Variants in PCDHGA11 observed in about 807,000 individuals in gnomAD.
The protein encoded by PCDHGA11 is protocadherin gamma-A11.
In PCDHGA11, 39 loss-of-function variants were observed where a neutral mutation model predicts 60.4. That is an observed-to-expected ratio of 0.65 (90% CI 0.50 to 0.84). The LOEUF (loss-of-function observed/expected upper bound fraction) is 0.84. Ranked by LOEUF, PCDHGA11 falls within the 40% of genes least tolerant of loss-of-function variation. The probability of loss-of-function intolerance (pLI) is 0.00; values close to 1 mark genes in which losing one functional copy is unlikely to be tolerated. For missense variants in PCDHGA11, 1,165 were observed against 1,197.7 expected (o/e 0.97, Z 0.40); for synonymous variants, 533 against 510.3 (o/e 1.04, Z -0.60).
intron 1 of PCDHGA11, among the ~76,000 whole-genome samples, chr5:141,482,652 G>C (rs1276348234): frequency 6.6e-6 from 1 of 152,074 alleles, no homozygotes; most frequent in African/African-American, 2.4e-5. Flanking sequence ...GGTGATGCTT[G>C]AGCTATGATC....
Position 141,487,418 on chromosome 5 carries a change from A to T in PCDHGA11, c.2434-7389A>T. ...GGAGGGGCTTCCCCCTTCCAATGGG[A>T]TCCTCCGAATCCAGCTAGGGTCAGA... On this transcript the variant is annotated intron_variant, in intron 1 of 3. Transcript: ENST00000398587. The surrounding 1 kb of genome is among the most constrained non-coding windows in gnomAD (Gnocchi z 5.0). The T allele has an allele frequency of 6.2e-7, 1 of 1,614,060 alleles. No homozygotes were observed. The highest frequency in any genetic ancestry group is 8.5e-7 in the Non-Finnish European group (1 of 1,179,998).
Position 141,422,587 on chromosome 5 carries a change from C to G in PCDHGA11, c.1360C>G (p.Pro454Ala). Residue 454 changes from proline to alanine, a missense_variant, in exon 1 of 4, where the codon CCT (proline) becomes GCT (alanine). Transcript: ENST00000398587. ...TGACAACGATAACCCTCCCGTTTTTCCTCACTCCTCTTACTCTGCCTACAT... is the reference window on the plus strand; with the variant it reads ...TGACAACGATAACCCTCCCGTTTTTGCTCACTCCTCTTACTCTGCCTACAT... ...ADDNDNPPVF[P>A]HSSYSAYIPE... 1.2e-6 allele frequency: 2 copies of G among 1,614,032 alleles called. No individual in the cohort carries two copies. Among genetic ancestry groups the G allele is most frequent in the Non-Finnish European group, 1.7e-6 (2 of 1,179,954 alleles).
intron 2 of PCDHGA11, among the ~76,000 whole-genome samples, chr5:141,502,829 C>A (rs1034808123): frequency 2.0e-5 from 3 of 150,428 alleles, no homozygotes; most frequent in African/African-American, 7.4e-5. Context: ...CTTGGGGAAG[C>A]CTGGACTGGC....
Position 141,433,407 on chromosome 5 carries a change from T to C in PCDHGA11, c.2433+9747T>C, listed in dbSNP as rs939103465. Among the ~76,000 whole-genome samples, 537 of 125,956 alleles carry C rather than the reference T, an allele frequency of 4.3e-3. 4 individuals carry two copies. Among genetic ancestry groups the C allele is most frequent in the African/African-American group, 0.016 (523 of 33,156 alleles). The allele number at this position is 125,956 out of a possible 152,430, so 82.6% of individuals were successfully genotyped here. On this transcript the variant is annotated intron_variant, in intron 1 of 3. Coordinates refer to ENST00000398587, the MANE Select transcript of PCDHGA11 (RefSeq NM_018914.3). ...TCTATCTATCTATCTATCTATCTATTACTTTCTTGTACAGACAGGAGTCTC... is the reference window on the plus strand; with the variant it reads ...TCTATCTATCTATCTATCTATCTATCACTTTCTTGTACAGACAGGAGTCTC...
At position 141,476,903 on chromosome 5, in the gene PCDHGA11, G is replaced by C; in HGVS notation, c.2434-17904G>C. On this transcript the variant is annotated intron_variant, in intron 1 of 3. Transcript: ENST00000398587. The surrounding 1 kb of genome is among the most constrained non-coding windows in gnomAD (Gnocchi z 7.6). Reference sequence around the variant, plus strand: ...GGAGGATGCACCCTCCGGCACGCGCGTGGTACAAGTCCTTGCAACGGATCT... The same window carrying C: ...GGAGGATGCACCCTCCGGCACGCGCCTGGTACAAGTCCTTGCAACGGATCT... The C allele has an allele frequency of 1.2e-6, 2 of 1,614,018 alleles. No individual in the cohort carries two copies. Among genetic ancestry groups the C allele is most frequent in the Non-Finnish European group, 1.7e-6 (2 of 1,180,044 alleles).
rs79464787 is a variant in PCDHGA11, at chr5:141,480,455, T to C, written c.2434-14352T>C. Among the ~76,000 whole-genome samples the C allele has an allele frequency of 7.4e-3, 1,134 of 152,274 alleles. 17 individuals are homozygous for C. The highest frequency in any genetic ancestry group is 0.026 in the African/African-American group (1,086 of 41,548). ...CAGCTATTACTATAATTATTTTTAT[T>C]AGTTCCTCACTCACCTAAAATCTCA... On this transcript the variant is annotated intron_variant, in intron 1 of 3. Transcript: ENST00000398587.
At chr5:141,438,834 T>A (rs915381229) in intron 1 of PCDHGA11, among the ~76,000 whole-genome samples, 5 of 150,606 alleles carry the variant, frequency 3.3e-5, no homozygotes, top group South Asian at 2.1e-4. Context: ...GCTAATTTTT[T>A]AAAATATTTT....
chr5:141,479,035 C>A (rs2099486361), intron 1 of PCDHGA11, among the ~76,000 whole-genome samples: 1 of 152,104 alleles, frequency 6.6e-6, no homozygotes, highest in Non-Finnish European at 1.5e-5. Context: ...TTATACAGAT[C>A]GTGTACCTCA....
At chr5:141,464,120 C>G (rs1297254980) in intron 1 of PCDHGA11, among the ~76,000 whole-genome samples, 1 of 151,976 alleles carries the variant, frequency 6.6e-6, no homozygotes, top group African/African-American at 2.4e-5. Flanking sequence ...CAAAAATTAG[C>G]TGGGTGTGGT....
intron 1 of PCDHGA11, among the ~76,000 whole-genome samples, chr5:141,433,395 CTATCTA>C (rs1561869588): frequency 2.0e-5 from 3 of 150,654 alleles, no homozygotes; most frequent in African/African-American, 7.3e-5. Flanking sequence ...ATCTATCTAT[CTATCTA>C]TCTATTACTT....
At chr5:141,505,352 C>CG in intron 2 of PCDHGA11, 41 bp from the exon 3 acceptor site, 1 of 1,613,302 alleles carries the variant, frequency 6.2e-7, no homozygotes, top group East Asian at 2.2e-5. Context: ...TGAGCTGTGC[C>CG]GGCCTGGGAG....
intron 1 of PCDHGA11, chr5:141,433,358 CCTATCTATCTAT>C (rs3074541): frequency 0.01 from 5,256 of 504,010 alleles, 38 homozygotes; most frequent in Non-Finnish European, 0.014. Flanking sequence ...CTACTGTCTG[CCTATCTATCTAT>C]CTATCTATCT....
intron 2 of PCDHGA11, among the ~76,000 whole-genome samples, chr5:141,504,788 TC>T (rs1235410120): frequency 6.6e-6 from 1 of 152,070 alleles, no homozygotes; most frequent in Non-Finnish European, 1.5e-5. Context: ...TCTTGGGGCC[TC>T]CTACATCTCC....
chr5:141,460,669 TTATATATC>T (rs1176483278), intron 1 of PCDHGA11, among the ~76,000 whole-genome samples: 1 of 152,032 alleles, frequency 6.6e-6, no homozygotes, highest in African/African-American at 2.4e-5. Flanking sequence ...GTAAACACAG[TTATATATC>T]TATATATCCA....
chr5:141,476,137 G>A lies in PCDHGA11; in HGVS notation c.2434-18670G>A. The A allele has an allele frequency of 1.2e-6, 2 of 1,609,204 alleles. No homozygotes were observed. The highest frequency in any genetic ancestry group is 1.7e-6 in the Non-Finnish European group (2 of 1,178,592). On this transcript the variant is annotated intron_variant, in intron 1 of 3. Coordinates refer to ENST00000398587, the MANE Select transcript of PCDHGA11 (RefSeq NM_018914.3). The surrounding 1 kb of genome is among the most constrained non-coding windows in gnomAD (Gnocchi z 7.6). ...GTGAGATGGTCCCAGAGGCCTGGAGGAGCGGACTGGTAAGCACCGGGAGGG... is the reference window on the plus strand; with the variant it reads ...GTGAGATGGTCCCAGAGGCCTGGAGAAGCGGACTGGTAAGCACCGGGAGGG...
At chr5:141,451,712 C>G (rs769620335) in intron 1 of PCDHGA11, among the ~76,000 whole-genome samples, 2 of 151,994 alleles carry the variant, frequency 1.3e-5, no homozygotes, top group African/African-American at 4.8e-5. Context: ...CAAAACCCTG[C>G]CTCTACTAAA....
chr5:141,421,895 GA>G lies in PCDHGA11; in HGVS notation c.671del (p.Lys224ArgfsTer13). On this transcript the variant is annotated frameshift_variant, in exon 1 of 4. Coordinates refer to ENST00000398587, the MANE Select transcript of PCDHGA11 (RefSeq NM_018914.3). LOFTEE classifies it high-confidence loss of function. ...LTALDGGDPI[R>X]KGAVPIRVVV... ...GCTTTAGATGGAGGCGATCCCATCC[GA>G]AAGGGCGCAGTTCCCATTCGTGTGG... The G allele has an allele frequency of 6.2e-7, 1 of 1,613,730 alleles. No individual in the cohort carries two copies. Among genetic ancestry groups the G allele is most frequent in the African/African-American group, 1.3e-5 (1 of 75,044 alleles).
At position 141,430,830 on chromosome 5, in the gene PCDHGA11, G is replaced by A. The variant is rs754181300; in HGVS notation, c.2433+7170G>A. The stretch of plus-strand genomic sequence containing the variant: ...CTGGGAATCCTCCTGGGGACTCTGT[G>A]GGAGACCGGATGCACCCAGATACGC... On this transcript the variant is annotated intron_variant, in intron 1 of 3. Coordinates refer to ENST00000398587, the MANE Select transcript of PCDHGA11 (RefSeq NM_018914.3). 8 of 1,554,850 alleles carry A rather than the reference G, an allele frequency of 5.1e-6. No homozygotes were observed. The East Asian group carries it at 1.6e-4, about 31-fold the overall frequency.
chr5:141,438,231 TG>T (rs987686126), intron 1 of PCDHGA11, among the ~76,000 whole-genome samples: 1 of 152,082 alleles, frequency 6.6e-6, no homozygotes, highest in African/African-American at 2.4e-5. Context: ...TTCAGGAAAA[TG>T]TTTTTAAAAA....
Sources: allele counts gnomAD v4.1 joint callset (sites outside exome capture counted in the v4.1 genomes callset), GRCh38; gene constraint gnomAD v4.1.1; non-coding constraint Gnocchi (gnomAD v3.1); transcripts MANE v1.5; gene names NCBI Gene and HGNC (gene_info 2026-07-23, HGNC 2026-07-21).